The following CTNNA2 variants were observed in gnomAD, a reference collection of about 807,000 sequenced individuals.
CTNNA2 encodes the protein catenin alpha-2.
Under a neutral mutation model 101.0 loss-of-function variants are expected in CTNNA2, and 42 were observed. That is an observed-to-expected ratio of 0.42 (90% CI 0.32 to 0.54). CTNNA2 has a LOEUF of 0.54. Among genes scored for constraint, CTNNA2 ranks in the 20% least tolerant of loss-of-function variants. CTNNA2 has a pLI of 0.14. For missense variants in CTNNA2, 871 were observed against 1,223.1 expected (o/e 0.71, Z 4.29); for synonymous variants, 450 against 456.4 (o/e 0.99, Z 0.18).
chr2:79,814,546 T>C (rs1377865313), intron 3 of CTNNA2, among the ~76,000 whole-genome samples: 1 of 152,012 alleles, frequency 6.6e-6, no homozygotes, highest in African/African-American at 2.4e-5. Flanking sequence ...TCCAGCTCAC[T>C]GCAAATGCCA....
At position 80,544,610 on chromosome 2, in the gene CTNNA2, C is replaced by T. The variant is rs185700850; in HGVS notation, c.1291-372C>T. ...TGCCTGTAGCATTCTTCTCACTCAA[C>T]TCTACAGGGTCAGAACTGAGTACTG... is the stretch of plus-strand genomic sequence containing the variant. On this transcript the variant is annotated intron_variant, in intron 9 of 18. Coordinates refer to ENST00000402739, the MANE Select transcript of CTNNA2 (RefSeq NM_001282597.3). Among the ~76,000 whole-genome samples, 19 of 152,198 alleles carry T rather than the reference C, an allele frequency of 1.2e-4. No individual in the cohort carries two copies. In the East Asian group the frequency reaches 3.3e-3, roughly 26 times the overall value.
At chr2:80,482,865 C>T (rs1000646305) in intron 9 of CTNNA2, among the ~76,000 whole-genome samples, 2 of 152,172 alleles carry the variant, frequency 1.3e-5, no homozygotes, top group Non-Finnish European at 1.5e-5. Context: ...CAAGAACTTG[C>T]TTTCTTGTTC....
At chr2:79,404,225 G>A (rs1465165222) in intron 4 of CTNNA2, among the ~76,000 whole-genome samples, 2 of 151,954 alleles carry the variant, frequency 1.3e-5, no homozygotes, top group African/African-American at 4.8e-5. Flanking sequence ...CAAGTACATG[G>A]TTGTCATAAA....
intron 7 of CTNNA2, among the ~76,000 whole-genome samples, chr2:80,056,662 T>C (rs1413457108): frequency 6.6e-6 from 1 of 152,236 alleles, no homozygotes; most frequent in Non-Finnish European, 1.5e-5. Flanking sequence ...TTTGCTTTGC[T>C]TTATCGCCCA....
chr2:80,589,491 G>T lies in CTNNA2; in HGVS notation c.2189+6G>T, dbSNP rs772672066. 1 of 1,611,394 alleles carries T rather than the reference G, an allele frequency of 6.2e-7. No homozygotes were observed. Among genetic ancestry groups the T allele is most frequent in the Non-Finnish European group, 8.5e-7 (1 of 1,177,992 alleles). ...GAAATGACAGACTTCACAAGGTGAG[G>T]CCCAGAGCCAGGGAGCTGAAGATTT... On this transcript the variant is annotated splice_donor_region_variant and intron_variant, in intron 15 of 18. Coordinates refer to ENST00000402739, the MANE Select transcript of CTNNA2 (RefSeq NM_001282597.3).
At chr2:80,283,000 T>G (rs1414895393) in intron 7 of CTNNA2, among the ~76,000 whole-genome samples, 1 of 152,148 alleles carries the variant, frequency 6.6e-6, no homozygotes, top group African/African-American at 2.4e-5. Flanking sequence ...TTGCAATTTT[T>G]CTTTAAAAGG....
At chr2:80,203,361 A>C (rs1169155305) in intron 7 of CTNNA2, among the ~76,000 whole-genome samples, 2 of 152,260 alleles carry the variant, frequency 1.3e-5, no homozygotes, top group Non-Finnish European at 2.9e-5. Context: ...CTGTAAAATC[A>C]AAAGCAAGTT....
intron 4 of CTNNA2, among the ~76,000 whole-genome samples, chr2:79,465,180 C>G (rs1670919871): frequency 6.6e-6 from 1 of 152,134 alleles, no homozygotes; most frequent in African/African-American, 2.4e-5. Flanking sequence ...AGGAAGGGAT[C>G]CAGTTTCAGC....
chr2:79,824,998 T>C (rs1678309539), intron 3 of CTNNA2, among the ~76,000 whole-genome samples: 3 of 152,134 alleles, frequency 2.0e-5, no homozygotes, highest in African/African-American at 7.2e-5. Context: ...AGCACAAACC[T>C]TGGCAACATA....
chr2:79,239,840 A>G (rs1054224458), intron 2 of CTNNA2, among the ~76,000 whole-genome samples: 2 of 152,168 alleles, frequency 1.3e-5, no homozygotes, highest in African/African-American at 4.8e-5. Context: ...GGAACGTAAA[A>G]GTGCTTTTTA....
chr2:79,565,088 T>C (rs1344771925), intron 1 of CTNNA2, among the ~76,000 whole-genome samples: 3 of 152,020 alleles, frequency 2.0e-5, no homozygotes, highest in African/African-American at 4.8e-5. Context: ...AATGACTTGA[T>C]TGGATTTACA....
In CTNNA2 at chr2:80,409,663, T is replaced by C. The variant is rs545952602; in HGVS notation, c.1138-9786T>C. Among the ~76,000 whole-genome samples the C allele has an allele frequency of 5.3e-5, 8 of 152,336 alleles. No homozygotes were observed. The South Asian group carries it at 1.4e-3, about 28-fold the overall frequency. On this transcript the variant is annotated intron_variant, in intron 8 of 18. Transcript: ENST00000402739. ...ACAGTTTAGTAAAGTAAGTAAGTGA[T>C]AAAGCATAATTTCTTTCTGAGGACT...
At chr2:80,374,674 C>T (rs1352832259) in intron 7 of CTNNA2, among the ~76,000 whole-genome samples, 2 of 117,720 alleles carry the variant, frequency 1.7e-5, no homozygotes, top group Admixed American at 8.7e-5. Flanking sequence ...CCTCTGCGTG[C>T]GTGCGTGCGT....
At chr2:79,834,307 A>G (rs1176728682) in intron 3 of CTNNA2, among the ~76,000 whole-genome samples, 4 of 151,930 alleles carry the variant, frequency 2.6e-5, no homozygotes, top group Non-Finnish European at 2.9e-5. Flanking sequence ...TAGTAGTTGT[A>G]TTCTCTAGTA....
At chr2:79,296,638 C>T (rs1392122822) in intron 2 of CTNNA2, among the ~76,000 whole-genome samples, 2 of 152,086 alleles carry the variant, frequency 1.3e-5, no homozygotes, top group African/African-American at 2.4e-5. Flanking sequence ...GAGTTTACTG[C>T]ACCTGAAAGT....
chr2:79,504,500 G>A (rs979800689), intron 4 of CTNNA2, among the ~76,000 whole-genome samples: 2 of 152,060 alleles, frequency 1.3e-5, no homozygotes, highest in Non-Finnish European at 2.9e-5. Flanking sequence ...ATATTGACCA[G>A]GCTGGTCTCA....
At chr2:80,296,334 C>G (rs184155819) in intron 7 of CTNNA2, among the ~76,000 whole-genome samples, 5 of 152,136 alleles carry the variant, frequency 3.3e-5, no homozygotes, top group African/African-American at 1.2e-4. Flanking sequence ...TCAAGTTTCT[C>G]ATTTTCCTTC....
chr2:79,480,015 G>A (rs1277281193), intron 4 of CTNNA2, among the ~76,000 whole-genome samples: 1 of 152,128 alleles, frequency 6.6e-6, no homozygotes, highest in South Asian at 2.1e-4. Flanking sequence ...AAGAAGCATG[G>A]CACTGGCATC....
chr2:80,598,209 A>G (rs1454771018), intron 15 of CTNNA2, among the ~76,000 whole-genome samples: 2 of 152,076 alleles, frequency 1.3e-5, no homozygotes, highest in Admixed American at 1.3e-4. Flanking sequence ...CAAAGGAACA[A>G]AAAAACACCA....
Sources: gnomAD v4.1 joint callset for allele counts (sites outside exome capture counted in the v4.1 genomes callset) on GRCh38, gnomAD v4.1.1 for gene constraint, MANE v1.5 for transcripts, NCBI Gene and HGNC (gene_info 2026-07-23, HGNC 2026-07-21) for gene names.